Variants in C2CD3 observed in about 807,000 individuals in gnomAD.
C2CD3 encodes the protein C2 domain containing 3 centriole elongation regulator, also known as C2 domain-containing protein 3.
In C2CD3, 148 loss-of-function variants were observed where a neutral mutation model predicts 234.0. That is an observed-to-expected ratio of 0.63 (90% CI 0.55 to 0.72). C2CD3 has a LOEUF of 0.72. Among genes scored for constraint, C2CD3 ranks in the 30% least tolerant of loss-of-function variants. The probability of loss-of-function intolerance (pLI) is 0.00; values close to 1 mark genes in which losing one functional copy is unlikely to be tolerated. For synonymous variants in C2CD3, 1,000 were observed against 1,035.4 expected (o/e 0.97, Z 0.66); for missense variants, 2,577 against 2,811.5 (o/e 0.92, Z 1.89).
chr11:74,123,389 A>G (rs905225716), intron 7 of C2CD3, among the ~76,000 whole-genome samples: 1 of 152,200 alleles, frequency 6.6e-6, no homozygotes, highest in Non-Finnish European at 1.5e-5. Context: ...ACAAACATTT[A>G]TTGGTCACTT....
rs1194621493 is a variant in C2CD3 at position 74,093,962 on chromosome 11, G to C, written c.3198C>G (p.Leu1066=). 1 of 1,614,002 alleles carries C rather than the reference G, an allele frequency of 6.2e-7. No individual in the cohort carries two copies. The highest frequency in any genetic ancestry group is 1.1e-5 in the South Asian group (1 of 91,066). ...TLKPFRTATT[L]CVPDPIFNSE... ...TATTAAAGATGGGATCTGGAACACA[G>C]AGTGTGGTTGCAGTTCTGAAGGGCT... Residue 1066 remains leucine, a synonymous_variant, in exon 18 of 33, where the codon CTC becomes CTG. Transcript: ENST00000334126.
chr11:74,049,771 TTC>T (rs150125078), intron 26 of C2CD3, among the ~76,000 whole-genome samples: 1,832 of 150,402 alleles, frequency 0.012, 35 homozygotes, highest in African/African-American at 0.043. Context: ...TTGCACTTCA[TTC>T]TCTCTCTCTC....
intron 32 of C2CD3, among the ~76,000 whole-genome samples, chr11:74,026,264 G>A (rs1465391107): frequency 2.6e-5 from 4 of 151,672 alleles, no homozygotes; most frequent in African/African-American, 4.8e-5. Context: ...CTGTGATCAC[G>A]CCACTGCACT....
chr11:74,134,334 T>C (rs1362245239), intron 5 of C2CD3, among the ~76,000 whole-genome samples: 1 of 152,194 alleles, frequency 6.6e-6, no homozygotes, highest in Non-Finnish European at 1.5e-5. Flanking sequence ...TAGGCTTCTT[T>C]TTAAAAGCTG....
chr11:74,090,743 T>C (rs1295974013), intron 20 of C2CD3, 70 bp downstream of exon 20: 5 of 1,566,894 alleles, frequency 3.2e-6, no homozygotes, highest in Non-Finnish European at 4.4e-6. Context: ...AAGTTTTGCA[T>C]ATCTGAGCAT....
rs150876830 is a variant in C2CD3 at position 74,115,693 on chromosome 11, C to A, written c.1521-1100G>T. On this transcript the variant is annotated intron_variant, in intron 9 of 32. Coordinates refer to ENST00000334126, the MANE Select transcript of C2CD3 (RefSeq NM_001286577.2). ...GCAAGATTAAGCAAAAAGAACAAAT[C>A]TGGAGGCATCACATTACCTGACTTC... 4.1e-4 allele frequency among the ~76,000 whole-genome samples: 62 copies of A among 152,214 alleles called. 1 individual carries two copies. The East Asian group carries it at 0.012, about 29-fold the overall frequency.
chr11:74,170,867 C>A lies in C2CD3; in HGVS notation c.-75G>T, dbSNP rs182620643. 1.2e-6 allele frequency: 2 copies of A among 1,603,060 alleles called. No individual in the cohort carries two copies. The highest frequency in any genetic ancestry group is 4.5e-5 in the East Asian group (2 of 44,720). ...AGCAGTATCCTCCCGCCATCCCTCCCCACGGCGCCTGCGTTCCCCGGCAAC... is the reference window on the plus strand; with the variant it reads ...AGCAGTATCCTCCCGCCATCCCTCCACACGGCGCCTGCGTTCCCCGGCAAC... On this transcript the variant is annotated 5_prime_UTR_variant, in exon 1 of 33. Transcript: ENST00000334126.
intron 15 of C2CD3, 22 bp downstream of exon 15, chr11:74,100,499 AGAAT>A: frequency 6.3e-7 from 1 of 1,586,490 alleles, no homozygotes; most frequent in South Asian, 1.2e-5. Context: ...TGCACAATAA[AGAAT>A]ACTCCAAAAG....
chr11:74,109,941 C>T (rs982883698), intron 11 of C2CD3, among the ~76,000 whole-genome samples: 1 of 145,628 alleles, frequency 6.9e-6, no homozygotes, highest in Non-Finnish European at 1.5e-5. Flanking sequence ...ATTAGCTGGG[C>T]GCAGTGGCAG....
At chr11:74,168,118 T>C in intron 2 of C2CD3, 1 of 476,704 alleles carries the variant, frequency 2.1e-6, no homozygotes, top group Non-Finnish European at 3.7e-6. Flanking sequence ...AAAATACCTA[T>C]CTTTCAGGGT....
At position 74,074,535 on chromosome 11, in the gene C2CD3, C is replaced by A. The variant is rs1202887768; in HGVS notation, c.4669G>T (p.Val1557Phe). 6.2e-7 allele frequency: 1 copy of A among 1,614,024 alleles called. No homozygotes were observed. Among genetic ancestry groups the A allele is most frequent in the African/African-American group, 1.3e-5 (1 of 74,902 alleles). The change falls in exon 24 of 33, where the codon GTT (valine) becomes TTT (phenylalanine). Residue 1557 changes from valine (V) to phenylalanine (F), a missense_variant. Physicochemically the swap from Val to Phe is conservative, Grantham distance 50 (BLOSUM62 -1). Transcript: ENST00000334126. ...AGGTGTGAGGAAAGAGAGGAAAGAA[C>A]CACATGAACTCGCAAGGCAGCTCCT... ...LSGAALRVHVVLSSLSSHLEP... is the reference protein window; with the variant it reads ...LSGAALRVHVFLSSLSSHLEP...
chr11:74,116,881 TAC>T lies in C2CD3; in HGVS notation c.1520+1345_1520+1346del, dbSNP rs533964894. On this transcript the variant is annotated intron_variant, in intron 9 of 32. Transcript: ENST00000334126. ...GTATATACACGTGTATATGTATATA[TAC>T]ACACGTGTATATATACACACGTGTA... Among the ~76,000 whole-genome samples the T allele has an allele frequency of 7.9e-4, 103 of 130,804 alleles. 2 individuals are homozygous for T. The highest frequency in any genetic ancestry group is 2.4e-3 in the African/African-American group (88 of 36,010). The allele number at this position is 130,804 out of a possible 152,430, so 85.8% of individuals were successfully genotyped here. A position where few individuals can be genotyped will look rare whatever the true frequency, so the allele number is the denominator to read the frequency against.
At chr11:74,149,036 T>C (rs1403479050) in intron 3 of C2CD3, among the ~76,000 whole-genome samples, 1 of 152,254 alleles carries the variant, frequency 6.6e-6, no homozygotes, top group African/African-American at 2.4e-5. Flanking sequence ...GCGGCCACTT[T>C]CAATTTCTAT....
At chr11:74,120,020 C>G (rs1398424093) in intron 8 of C2CD3, among the ~76,000 whole-genome samples, 1 of 151,992 alleles carries the variant, frequency 6.6e-6, no homozygotes, top group Admixed American at 6.6e-5. Flanking sequence ...TGGTTATTGA[C>G]TAGTGCAACT....
intron 31 of C2CD3, among the ~76,000 whole-genome samples, chr11:74,030,076 T>C (rs1245381687): frequency 6.6e-6 from 1 of 152,124 alleles, no homozygotes; most frequent in African/African-American, 2.4e-5. Context: ...TAAATTCCTG[T>C]TCCTCAGTTC....
At chr11:74,157,640 T>C (rs1856123069) in intron 3 of C2CD3, among the ~76,000 whole-genome samples, 1 of 152,240 alleles carries the variant, frequency 6.6e-6, no homozygotes, top group Non-Finnish European at 1.5e-5. Context: ...TGTTTTTTCC[T>C]TATCCTTTTT....
intron 12 of C2CD3, 98 bp from the exon 13 acceptor site, chr11:74,106,591 A>T (rs1956529456): frequency 8.7e-7 from 1 of 1,149,222 alleles, no homozygotes; most frequent in African/African-American, 1.6e-5. Flanking sequence ...AAAGGAAACC[A>T]TTCAGGAAGA....
intron 3 of C2CD3, among the ~76,000 whole-genome samples, chr11:74,156,100 C>T (rs891303696): frequency 1.3e-5 from 2 of 151,950 alleles, no homozygotes; most frequent in South Asian, 4.2e-4. Flanking sequence ...ACAGCAAAAC[C>T]CTGTCTCTAC....
intron 22 of C2CD3, among the ~76,000 whole-genome samples, chr11:74,082,765 CA>C (rs1440611492): frequency 2.0e-5 from 3 of 152,080 alleles, no homozygotes; most frequent in Non-Finnish European, 4.4e-5. Context: ...AGAAGAACTA[CA>C]AACCACTGCT....
Sources: gnomAD v4.1 joint callset for allele counts (sites outside exome capture counted in the v4.1 genomes callset) on GRCh38, gnomAD v4.1.1 for gene constraint, MANE v1.5 for transcripts, NCBI Gene and HGNC (gene_info 2026-07-23, HGNC 2026-07-21) for gene names.